Variants in RAB38 observed in about 807,000 individuals in gnomAD.
RAB38 encodes the protein ras-related protein Rab-38.
Under a neutral mutation model 18.4 loss-of-function variants are expected in RAB38, and 15 were observed. That is an observed-to-expected ratio of 0.82 (90% CI 0.55 to 1.26). RAB38 has a LOEUF of 1.26. Among genes scored for constraint, RAB38 ranks in the 50% most tolerant of loss-of-function variants. The pLI is 0.00. For missense variants in RAB38, 294 were observed against 267.4 expected, an observed-to-expected ratio of 1.10 and a Z score of -0.69; for synonymous variants, 101 against 104.4, an observed-to-expected ratio of 0.97 and a Z score of 0.20.
the RAB38 span, among the ~76,000 whole-genome samples, chr11:87,893,390 A>ATATATATATTTT: frequency 7.0e-4 from 66 of 93,884 alleles, 1 homozygote; most frequent in Middle Eastern, 6.8e-3. Flanking sequence ...ATATATATAT[A>ATATATATATTTT]TTTTTTTTTT....
At chr11:88,099,507 T>C in the RAB38 span, among the ~76,000 whole-genome samples, 1 of 151,934 alleles carries the variant, frequency 6.6e-6, no homozygotes, top group Non-Finnish European at 1.5e-5. Flanking sequence ...CACATTAACA[T>C]TCCATTGTTA....
chr11:87,935,230 T>C, the RAB38 span, among the ~76,000 whole-genome samples: 39 of 152,232 alleles, frequency 2.6e-4, 1 homozygote, highest in East Asian at 7.3e-3. Context: ...GAAAATCCTC[T>C]TTGGCCTTAT....
intron 1 of RAB38, among the ~76,000 whole-genome samples, chr11:88,161,514 T>C (rs1224631827): frequency 6.6e-6 from 1 of 152,064 alleles, no homozygotes; most frequent in Non-Finnish European, 1.5e-5. Flanking sequence ...GCACTGAAAA[T>C]CCTGGAGAGC....
intron 1 of RAB38, among the ~76,000 whole-genome samples, chr11:88,164,764 G>A (rs750108964): frequency 7.2e-5 from 11 of 152,032 alleles, no homozygotes; most frequent in Admixed American, 5.2e-4. Flanking sequence ...ATTTGGATGC[G>A]GTGAACTGAG....
At chr11:87,962,830 G>C in the RAB38 span, among the ~76,000 whole-genome samples, 249 of 152,222 alleles carry the variant, frequency 1.6e-3, 1 homozygote, top group African/African-American at 5.7e-3. Flanking sequence ...AAAAAAATAA[G>C]TATTTCAAGT....
At chr11:88,160,501 C>A (rs934843766) in intron 1 of RAB38, among the ~76,000 whole-genome samples, 4 of 151,966 alleles carry the variant, frequency 2.6e-5, no homozygotes, top group Non-Finnish European at 4.4e-5. Context: ...CAAAAGAAAG[C>A]AAATCATTCT....
At chr11:88,069,453 G>C in the RAB38 span, among the ~76,000 whole-genome samples, 2 of 152,256 alleles carry the variant, frequency 1.3e-5, no homozygotes, top group Non-Finnish European at 2.9e-5. Flanking sequence ...ATGACTGGCG[G>C]GCAGCTCCAA....
At chr11:88,174,393 A>C (rs1420502159) in intron 1 of RAB38, among the ~76,000 whole-genome samples, 1 of 151,916 alleles carries the variant, frequency 6.6e-6, no homozygotes, top group Non-Finnish European at 1.5e-5. Flanking sequence ...ACAAAAACAA[A>C]CAACCTCTCA....
At chr11:88,123,658 T>G (rs1872739) in intron 2 of RAB38, among the ~76,000 whole-genome samples, 28,463 of 152,144 alleles carry the variant, frequency 0.19, 2,926 homozygotes, top group Middle Eastern at 0.26. Flanking sequence ...TTCTTTATAT[T>G]CTGTTGCTCC....
chr11:87,914,545 G>A, the RAB38 span, among the ~76,000 whole-genome samples: 2 of 152,128 alleles, frequency 1.3e-5, no homozygotes, highest in African/African-American at 4.8e-5. Flanking sequence ...TAATTAAAAG[G>A]GAAGCAGAGC....
At chr11:88,074,808 A>C in the RAB38 span, among the ~76,000 whole-genome samples, 1 of 152,184 alleles carries the variant, frequency 6.6e-6, no homozygotes, top group Non-Finnish European at 1.5e-5. Flanking sequence ...GCCTACAAGA[A>C]ACTCATTTCA....
the RAB38 span, among the ~76,000 whole-genome samples, chr11:88,085,369 A>G: frequency 2.0e-5 from 3 of 151,956 alleles, no homozygotes; most frequent in African/African-American, 7.2e-5. Context: ...CTGAAGGGAA[A>G]AAGGGAAAAT....
At chr11:88,128,524 G>A (rs1348230295) in intron 2 of RAB38, among the ~76,000 whole-genome samples, 1 of 152,198 alleles carries the variant, frequency 6.6e-6, no homozygotes, top group African/African-American at 2.4e-5. Context: ...AGGAGTAACA[G>A]AATTGCTGAA....
the RAB38 span, among the ~76,000 whole-genome samples, chr11:87,889,588 T>C: frequency 3.3e-5 from 5 of 151,920 alleles, no homozygotes; most frequent in Non-Finnish European, 5.9e-5. Context: ...TATTATGTAT[T>C]ATAATCCTCT....
the RAB38 span, among the ~76,000 whole-genome samples, chr11:87,899,762 T>C: frequency 6.6e-6 from 1 of 151,752 alleles, no homozygotes; most frequent in African/African-American, 2.4e-5. Flanking sequence ...GCTAAAAAAA[T>C]AAACAGTTCT....
chr11:87,896,816 CAT>C, the RAB38 span, among the ~76,000 whole-genome samples: 1 of 151,516 alleles, frequency 6.6e-6, no homozygotes, highest in Admixed American at 6.6e-5. Context: ...TACAGGGCCT[CAT>C]ATGTGTGAAG....
chr11:88,154,588 G>T (rs1373751307), intron 1 of RAB38, among the ~76,000 whole-genome samples: 1 of 152,170 alleles, frequency 6.6e-6, no homozygotes, highest in Non-Finnish European at 1.5e-5. Context: ...CACTTGCCTG[G>T]ACCAGCAGCC....
the RAB38 span, among the ~76,000 whole-genome samples, chr11:88,034,233 T>A: frequency 2.0e-5 from 3 of 152,236 alleles, no homozygotes; most frequent in African/African-American, 7.2e-5. Context: ...TAAGAATGTA[T>A]CACTGTCTGT....
At chr11:88,073,696 C>T in the RAB38 span, among the ~76,000 whole-genome samples, 1 of 151,134 alleles carries the variant, frequency 6.6e-6, no homozygotes, top group African/African-American at 2.4e-5. Flanking sequence ...AATGACTGAC[C>T]CTAACAAGAC....
Sources: allele counts gnomAD v4.1 joint callset (sites outside exome capture counted in the v4.1 genomes callset), GRCh38; gene constraint gnomAD v4.1.1; transcripts MANE v1.5; gene names NCBI Gene and HGNC (gene_info 2026-07-23, HGNC 2026-07-21).